CERCAM: variants seen among roughly 807,000 people sequenced by gnomAD.
CERCAM encodes cerebral endothelial cell adhesion molecule, also known as inactive glycosyltransferase 25 family member 3.
Under a neutral mutation model 66.0 loss-of-function variants are expected in CERCAM, and 59 were observed. The observed-to-expected ratio is 0.89, with a 90% CI of 0.73 to 1.11. CERCAM has a LOEUF of 1.11. Ranked by LOEUF, CERCAM falls within the 50% of genes most tolerant of loss-of-function variation. The pLI, the probability that CERCAM is intolerant of heterozygous loss-of-function variation, is 0.00. For missense variants in CERCAM, 840 were observed against 828.3 expected (o/e 1.01, Z -0.17); for synonymous variants, 318 against 343.6 (o/e 0.93, Z 0.83).
intron 7 of CERCAM, 31 bp from the exon 8 acceptor site, chr9:128,428,899 C>T: frequency 1.2e-6 from 2 of 1,606,502 alleles, no homozygotes; most frequent in Non-Finnish European, 1.7e-6. Context: ...CGCTCCCTTG[C>T]ACTTACCGCC....
intron 1 of CERCAM, 155 bp from the exon 2 acceptor site, chr9:128,422,713 C>A: frequency 1.3e-6 from 1 of 777,790 alleles, no homozygotes; most frequent in Non-Finnish European, 2.0e-6. Context: ...GGGGACCTGG[C>A]TGTGCTGCCT....
intron 3 of CERCAM, 71 bp from the exon 4 acceptor site, chr9:128,424,067 A>G: frequency 3.2e-6 from 5 of 1,549,558 alleles, no homozygotes; most frequent in Non-Finnish European, 4.4e-6. Flanking sequence ...CTCTGGCAGG[A>G]CCACTCAGTG....
upstream of CERCAM, among the ~76,000 whole-genome samples, chr9:128,419,956 C>T (rs1426969911): frequency 6.6e-6 from 1 of 151,880 alleles, no homozygotes; most frequent in African/African-American, 2.4e-5. Context: ...CTGCAACCTC[C>T]GCCTCCCGGG....
rs759940902 is a variant in CERCAM at position 128,434,581 on chromosome 9, G to A, written c.1503G>A (p.Glu501=). 5.6e-6 allele frequency: 9 copies of A among 1,610,340 alleles called. No homozygotes were observed. The highest frequency in any genetic ancestry group is 1.7e-4 in the Middle Eastern group (1 of 5,990). The change falls in exon 11 of 13, where the codon GAG becomes GAA. Residue 501 remains glutamate, a synonymous_variant. Coordinates refer to ENST00000372838, the MANE Select transcript of CERCAM (RefSeq NM_016174.5). The surrounding 1 kb of genome is among the most constrained non-coding windows in gnomAD (Gnocchi z 4.5). The part of the protein sequence containing the change: ...QPLRRMLPVD[E]FLPIMFDQHP... ...TGCGCCGCATGCTGCCCGTGGACGAGTTCCTGCCCATCATGTTCGACCAGC... is the reference window on the plus strand; with the variant it reads ...TGCGCCGCATGCTGCCCGTGGACGAATTCCTGCCCATCATGTTCGACCAGC...
chr9:128,426,456 T>C (rs1224760976), intron 5 of CERCAM, among the ~76,000 whole-genome samples: 2 of 151,044 alleles, frequency 1.3e-5, no homozygotes, highest in African/African-American at 4.9e-5. Flanking sequence ...CCGTCTCTAC[T>C]AAAAATACGA....
intron 6 of CERCAM, 58 bp from the exon 7 acceptor site, chr9:128,428,699 G>T: frequency 6.4e-7 from 1 of 1,574,762 alleles, no homozygotes. Flanking sequence ...AGGACTTCAG[G>T]GTGACTGCTA....
At chr9:128,423,617 CAAAAAA>C (rs751848613) in intron 3 of CERCAM, among the ~76,000 whole-genome samples, 7 of 81,886 alleles carry the variant, frequency 8.5e-5, no homozygotes, top group Non-Finnish European at 1.6e-4. Context: ...AACTCAGTCT[CAAAAAA>C]AAAAAAAAAA....
At chr9:128,432,615 A>T (rs1834001845) in intron 9 of CERCAM, among the ~76,000 whole-genome samples, 1 of 151,470 alleles carries the variant, frequency 6.6e-6, no homozygotes. Context: ...CAAACTCCTG[A>T]GCTCAAGTGA....
chr9:128,433,195 C>T (rs1441726180), intron 9 of CERCAM, among the ~76,000 whole-genome samples: 3 of 149,466 alleles, frequency 2.0e-5, no homozygotes, highest in Non-Finnish European at 4.4e-5. Flanking sequence ...AGGAGAATGG[C>T]GTGAACCCAG....
At chr9:128,433,202 C>G (rs555735011) in intron 9 of CERCAM, among the ~76,000 whole-genome samples, 10 of 151,482 alleles carry the variant, frequency 6.6e-5, no homozygotes, top group African/African-American at 2.4e-4. Context: ...TGGCGTGAAC[C>G]CAGGAGGCGG....
chr9:128,420,796 C>T, upstream of CERCAM: 1 of 553,808 alleles, frequency 1.8e-6, no homozygotes, highest in Middle Eastern at 6.3e-4. The surrounding 1 kb of genome is among the most constrained non-coding windows in gnomAD (Gnocchi z 5.0). Flanking sequence ...TGCCTCGGCC[C>T]CGCCCGGGCC....
At chr9:128,423,105 G>A in intron 2 of CERCAM, 41 bp from the exon 3 acceptor site, 2 of 1,600,642 alleles carry the variant, frequency 1.2e-6, no homozygotes, top group East Asian at 2.2e-5. Flanking sequence ...GAGAGGGAGG[G>A]GCATGTACCC....
In CERCAM at chr9:128,431,316, G is replaced by A. The variant is rs1418058960; in HGVS notation, c.1203+13G>A. 1 of 1,613,716 alleles carries A rather than the reference G, an allele frequency of 6.2e-7. No individual in the cohort carries two copies. Among genetic ancestry groups the A allele is most frequent in the Non-Finnish European group, 8.5e-7 (1 of 1,179,912 alleles). ...CATCTGGGAAGAGGTGAGGGTGCCT[G>A]CTTCCTCCATCCACAGCCTTCGGGG... On this transcript the variant is annotated intron_variant, in intron 9 of 12. Coordinates refer to ENST00000372838, the MANE Select transcript of CERCAM (RefSeq NM_016174.5).
Position 128,428,773 on chromosome 9 carries a change from G to T in CERCAM, c.903G>T (p.Met301Ile), listed in dbSNP as rs1434340612. 2.5e-6 allele frequency: 4 copies of T among 1,613,980 alleles called. No individual in the cohort carries two copies. Among genetic ancestry groups the T allele is most frequent in the South Asian group, 2.2e-5 (2 of 91,082 alleles). The change falls in exon 7 of 13, where the codon ATG becomes ATT. Residue 301 changes from methionine to isoleucine, a missense_variant. By Grantham distance (10) the Met-to-Ile change is conservative. Coordinates refer to ENST00000372838, the MANE Select transcript of CERCAM (RefSeq NM_016174.5). ...ILEALVDGPR[M>I]QASAHVTRPS... Reference sequence around the variant, plus strand: ...CCTTTGCAGTGGACGGCCCCCGCATGCAGGCCTCAGCTCATGTGACTCGGC... The same window carrying T: ...CCTTTGCAGTGGACGGCCCCCGCATTCAGGCCTCAGCTCATGTGACTCGGC...
intron 1 of CERCAM, chr9:128,421,473 G>T (rs1187955907): frequency 9.0e-6 from 9 of 998,652 alleles, no homozygotes; most frequent in Non-Finnish European, 1.1e-5. Flanking sequence ...GGGGCCCAAC[G>T]TGGCAGGGAT....
At position 128,422,980 on chromosome 9, in the gene CERCAM, T is replaced by A; in HGVS notation, c.308+2T>A. On this transcript the variant is annotated splice_donor_variant, in intron 2 of 12. Coordinates refer to ENST00000372838, the MANE Select transcript of CERCAM (RefSeq NM_016174.5). LOFTEE classifies it high-confidence loss of function. Reference sequence around the variant, plus strand: ...CTGGAGGCCTGAGGGCGAGCCCAGGTGGTGATCTGAGGGGAAGGGTGCTGG... The same window carrying A: ...CTGGAGGCCTGAGGGCGAGCCCAGGAGGTGATCTGAGGGGAAGGGTGCTGG... 1 of 1,613,128 alleles carries A rather than the reference T, an allele frequency of 6.2e-7. No homozygotes were observed.
intron 5 of CERCAM, among the ~76,000 whole-genome samples, chr9:128,425,731 G>A (rs1019126154): frequency 2.7e-5 from 4 of 149,850 alleles, no homozygotes; most frequent in Non-Finnish European, 4.4e-5. Context: ...GCCTCGTCTC[G>A]AACTCCTGAC....
chr9:128,420,742 C>T (rs1833687111), upstream of CERCAM: 2 of 281,980 alleles, frequency 7.1e-6, no homozygotes, highest in Non-Finnish European at 1.3e-5. This position sits in a 1 kb window ranked among gnomAD's most constrained non-coding sequence, Gnocchi z 5.0. Context: ...GGGTGGGGAG[C>T]AGGATCCCAC....
intron 5 of CERCAM, among the ~76,000 whole-genome samples, chr9:128,426,997 G>C (rs916318535): frequency 2.6e-4 from 39 of 152,204 alleles, no homozygotes; most frequent in Admixed American, 2.4e-3. Flanking sequence ...AGCGACAGCC[G>C]TTGTTAATTG....
Sources: allele counts gnomAD v4.1 joint callset (sites outside exome capture counted in the v4.1 genomes callset), GRCh38; gene constraint gnomAD v4.1.1; non-coding constraint Gnocchi (gnomAD v3.1); transcripts MANE v1.5; gene names NCBI Gene and HGNC (gene_info 2026-07-23, HGNC 2026-07-21).